The following DEPDC5 variants were observed in gnomAD, a reference collection of about 807,000 sequenced individuals.
The protein encoded by DEPDC5 is DEP domain containing 5, GATOR1 subcomplex subunit, also known as GATOR1 complex protein DEPDC5.
A neutral mutation model predicts 217.3 loss-of-function variants in DEPDC5; 73 were observed. That is an observed-to-expected ratio of 0.34 (90% CI 0.28 to 0.41). The LOEUF (loss-of-function observed/expected upper bound fraction) is 0.41. DEPDC5 is among the 10% of genes least tolerant of loss of function. DEPDC5 has a pLI of 1.00. For missense variants in DEPDC5, 1,675 were observed against 2,070.1 expected (o/e 0.81, Z 3.70); for synonymous variants, 733 against 756.7 (o/e 0.97, Z 0.51).
intron 3 of DEPDC5, among the ~76,000 whole-genome samples, chr22:31,759,000 C>G (rs1025888621): frequency 6.6e-6 from 1 of 151,888 alleles, no homozygotes; most frequent in African/African-American, 2.4e-5. Flanking sequence ...CCTCCCAGCC[C>G]CAAGTGATTG....
rs34494517 is a variant in DEPDC5 at position 31,791,925 on chromosome 22, CAAAAAAAAAAAA to C, written c.625-93_625-82del. On this transcript the variant is annotated intron_variant, in intron 10 of 42. Coordinates refer to ENST00000651528, the MANE Select transcript of DEPDC5 (RefSeq NM_001242896.3). ...CTGGTGGCAGAGTAAGACTCCGTCT[CAAAAAAAAAAAA>C]AAAAAAAAAAAAAAGAATATTATAT... is the stretch of plus-strand genomic sequence containing the variant. The C allele has an allele frequency of 4.0e-3, 491 of 124,136 alleles. 2 individuals carry two copies. The highest frequency in any genetic ancestry group is 5.1e-3 in the Admixed American group (29 of 5,640). The allele number at this position is 124,136 out of a possible 1,614,324, so 7.7% of individuals were successfully genotyped here. A position where few individuals can be genotyped will look rare whatever the true frequency, so the allele number is the denominator to read the frequency against.
chr22:31,890,267 C>T (rs2093411537), intron 38 of DEPDC5: 1 of 152,176 alleles, frequency 6.6e-6, no homozygotes, highest in Non-Finnish European at 1.5e-5. Flanking sequence ...GAGCTTAGAT[C>T]TTCCAACTTC....
At chr22:31,900,124 G>A (rs1302266659) in intron 40 of DEPDC5, among the ~76,000 whole-genome samples, 2 of 152,070 alleles carry the variant, frequency 1.3e-5, no homozygotes, top group East Asian at 1.9e-4. Flanking sequence ...TCAGCTCACT[G>A]CAACCTCCGC....
intron 33 of DEPDC5, among the ~76,000 whole-genome samples, chr22:31,867,020 ACT>A (rs1367747000): frequency 1.3e-5 from 2 of 152,106 alleles, no homozygotes; most frequent in African/African-American, 4.8e-5. Flanking sequence ...AGTCTAGCCC[ACT>A]CTAAAGCGGA....
intron 17 of DEPDC5, 151 bp downstream of exon 17, chr22:31,805,066 T>TGTGTACAGAGCTTTG: frequency 1.4e-6 from 1 of 690,616 alleles, no homozygotes; most frequent in Non-Finnish European, 2.4e-6. Context: ...CAAAGCTCTG[T>TGTGTACAGAGCTTTG]ACACACAAAG....
At chr22:31,802,917 T>A (rs763536066) in intron 15 of DEPDC5, 79 bp downstream of exon 15, 1 of 1,458,048 alleles carries the variant, frequency 6.9e-7, no homozygotes. Context: ...TTCACTGACT[T>A]CTTAGAGTGT....
intron 12 of DEPDC5, among the ~76,000 whole-genome samples, chr22:31,796,731 C>G (rs536131178): frequency 6.6e-6 from 1 of 151,766 alleles, no homozygotes; most frequent in Admixed American, 6.6e-5. Flanking sequence ...GAGTCTCGCT[C>G]TTTCTCCCAG....
In DEPDC5 at chr22:31,906,114, C is replaced by T. The variant is rs2093753626; in HGVS notation, c.4519+48C>T. The stretch of plus-strand genomic sequence containing the variant: ...GGGCAGGTGGGTCCACATCCCTTTC[C>T]TTGCACCAAGCCTATGGCTGCAGAA... On this transcript the variant is annotated intron_variant, in intron 42 of 42. Transcript: ENST00000651528. This position sits in a 1 kb window ranked among gnomAD's most constrained non-coding sequence, Gnocchi z 5.1. 6.2e-7 allele frequency: 1 copy of T among 1,613,710 alleles called. No homozygotes were observed. The highest frequency in any genetic ancestry group is 8.5e-7 in the Non-Finnish European group (1 of 1,179,796).
At chr22:31,893,319 G>A (rs541592814) in intron 38 of DEPDC5, among the ~76,000 whole-genome samples, 106 of 152,184 alleles carry the variant, frequency 7.0e-4, no homozygotes, top group Middle Eastern at 3.4e-3. Context: ...ATTATGTAAC[G>A]TTTGTGGCTG....
chr22:31,769,414 A>G (rs113220253), intron 7 of DEPDC5: 3 of 152,216 alleles, frequency 2.0e-5, no homozygotes, highest in African/African-American at 7.2e-5. Flanking sequence ...GAGACTCGTA[A>G]TTTTACAACT....
At chr22:31,804,639 C>G (rs1412192419) in intron 16 of DEPDC5, among the ~76,000 whole-genome samples, 1 of 152,198 alleles carries the variant, frequency 6.6e-6, no homozygotes, top group Non-Finnish European at 1.5e-5. Context: ...GGGGTTTCAC[C>G]ATGTTGGCCA....
Position 31,867,783 on chromosome 22 carries a change from A to G in DEPDC5, c.3331-2807A>G, listed in dbSNP as rs1485914276. On this transcript the variant is annotated intron_variant, in intron 33 of 42. Coordinates refer to ENST00000651528, the MANE Select transcript of DEPDC5 (RefSeq NM_001242896.3). ...TGATCCAGAGGACAACTCTTTAACC[A>G]CCCCCTACCCCGGCTCCCACCAAAA... Among the ~76,000 whole-genome samples the G allele has an allele frequency of 2.0e-5, 3 of 151,406 alleles. No individual in the cohort carries two copies. The East Asian group carries it at 5.8e-4, about 29-fold the overall frequency.
In DEPDC5 at chr22:31,813,771, A is replaced by G. The variant is rs2088730228; in HGVS notation, c.1446-1221A>G. On this transcript the variant is annotated intron_variant, in intron 20 of 42. Coordinates refer to ENST00000651528, the MANE Select transcript of DEPDC5 (RefSeq NM_001242896.3). ...GAGAATAGTATCATGAACAGTTATC[A>G]CCATGTTGTCAGCCTTGTTTCATGA... 3.3e-5 allele frequency: 5 copies of G among 152,012 alleles called. No individual in the cohort carries two copies. The South Asian group carries it at 1.0e-3, about 31-fold the overall frequency. The allele number at this position is 152,012 out of a possible 1,614,324, so 9.4% of individuals were successfully genotyped here. A position where few individuals can be genotyped will look rare whatever the true frequency, so the allele number is the denominator to read the frequency against.
chr22:31,861,904 C>T (rs879627345), intron 33 of DEPDC5, among the ~76,000 whole-genome samples: 2 of 152,194 alleles, frequency 1.3e-5, no homozygotes, highest in African/African-American at 2.4e-5. Flanking sequence ...AGGTGTAGCT[C>T]ACCTAGCTTC....
chr22:31,777,593 C>T (rs185585750), intron 7 of DEPDC5, among the ~76,000 whole-genome samples: 140 of 151,596 alleles, frequency 9.2e-4, no homozygotes, highest in African/African-American at 3.2e-3. Flanking sequence ...ATGTGGACTC[C>T]CAGATTAAGA....
rs1365877920 is a variant in DEPDC5, at chr22:31,836,965, G to A, written c.2171-7G>A. 2 of 1,610,598 alleles carry A rather than the reference G, an allele frequency of 1.2e-6. No individual in the cohort carries two copies. The highest frequency in any genetic ancestry group is 2.2e-5 in the South Asian group (2 of 90,836). On this transcript the variant is annotated splice_region_variant and splice_polypyrimidine_tract_variant and intron_variant, in intron 25 of 42. Coordinates refer to ENST00000651528, the MANE Select transcript of DEPDC5 (RefSeq NM_001242896.3). ...CATGTACCTTTTCCCCCTGTTACGT[G>A]AGGCAGTTCTGACACTGTCTGCTCC...
At chr22:31,811,196 A>G (rs1343906892) in intron 20 of DEPDC5, among the ~76,000 whole-genome samples, 2 of 152,026 alleles carry the variant, frequency 1.3e-5, no homozygotes, top group Non-Finnish European at 2.9e-5. Flanking sequence ...CAGCCTCCTG[A>G]GTAGCTGGGA....
chr22:31,829,131 GGATCAAA>G (rs1234343899), intron 24 of DEPDC5, among the ~76,000 whole-genome samples: 5 of 152,192 alleles, frequency 3.3e-5, no homozygotes, highest in African/African-American at 1.2e-4. Context: ...GCGGTTGTCT[GGATCAAA>G]AGTAGGTTGG....
In DEPDC5 at chr22:31,792,794, G is replaced by A. The variant is rs377094222; in HGVS notation, c.744G>A (p.Gly248=). 4.5e-6 allele frequency: 7 copies of A among 1,542,484 alleles called. No individual in the cohort carries two copies. The African/African-American group carries it at 1.0e-4, about 22-fold the overall frequency. The part of the protein sequence containing the change: ...NRASIRQDHK[G]RFYEDFYKVV... ...CCTCAATTCGACAGGATCACAAGGG[G>A]AGATTCTATGAAGACTTTTACAAGT... The change falls in exon 12 of 43, where the codon GGG becomes GGA. Residue 248 remains glycine (G), a synonymous_variant. Transcript: ENST00000651528.
Sources: gnomAD v4.1 joint callset for allele counts (sites outside exome capture counted in the v4.1 genomes callset) on GRCh38, gnomAD v4.1.1 for gene constraint, Gnocchi (gnomAD v3.1) non-coding constraint, MANE v1.5 for transcripts, NCBI Gene and HGNC (gene_info 2026-07-23, HGNC 2026-07-21) for gene names.